Variants in MARCHF4 observed in about 807,000 individuals in gnomAD.
MARCHF4 encodes membrane associated ring-CH-type finger 4, also known as E3 ubiquitin-protein ligase MARCHF4.
MARCHF4 carries 14 observed loss-of-function variants against 43.9 expected under a neutral mutation model. The observed-to-expected ratio is 0.32, with a 90% CI of 0.21 to 0.50. MARCHF4 has a LOEUF of 0.50. Among genes scored for constraint, MARCHF4 ranks in the 20% least tolerant of loss-of-function variants. The probability of loss-of-function intolerance (pLI) is 0.98; values close to 1 mark genes in which losing one functional copy is unlikely to be tolerated. For synonymous variants in MARCHF4, 226 were observed against 213.3 expected (o/e 1.06, Z -0.52); for missense variants, 468 against 536.7 (o/e 0.87, Z 1.27).
chr2:216,282,295 CACACAT>C (rs1305495915), intron 2 of MARCHF4, among the ~76,000 whole-genome samples: 2 of 152,226 alleles, frequency 1.3e-5, no homozygotes, highest in African/African-American at 4.8e-5. Context: ...GCAACACACA[CACACAT>C]ACACACACAC....
At chr2:216,324,067 G>A (rs1469493656) in intron 1 of MARCHF4, among the ~76,000 whole-genome samples, 5 of 150,760 alleles carry the variant, frequency 3.3e-5, no homozygotes, top group Non-Finnish European at 5.9e-5. Flanking sequence ...TAGACCGCTA[G>A]CAAGACTAAT....
In MARCHF4 at chr2:216,281,479, C is replaced by T. The variant is rs184565674; in HGVS notation, c.672+2095G>A. Among the ~76,000 whole-genome samples, 38 of 152,308 alleles carry T rather than the reference C, an allele frequency of 2.5e-4. No homozygotes were observed. The East Asian group carries it at 6.0e-3, about 24-fold the overall frequency. On this transcript the variant is annotated intron_variant, in intron 2 of 3. Transcript: ENST00000273067. Reference sequence around the variant, plus strand: ...GGCCTGGGATTCCCATCCATTGCTCCGCCCACTTGTGGTGGGGCCTGCCAG... The same window carrying T: ...GGCCTGGGATTCCCATCCATTGCTCTGCCCACTTGTGGTGGGGCCTGCCAG...
chr2:216,316,037 C>A (rs566418148), intron 1 of MARCHF4, among the ~76,000 whole-genome samples: 3 of 152,212 alleles, frequency 2.0e-5, no homozygotes, highest in Non-Finnish European at 4.4e-5. Flanking sequence ...GACACAGTCA[C>A]CATCCACATA....
At chr2:216,328,180 G>T (rs1036717333) in intron 1 of MARCHF4, among the ~76,000 whole-genome samples, 16 of 151,734 alleles carry the variant, frequency 1.1e-4, no homozygotes, top group Admixed American at 3.3e-4. Flanking sequence ...TTTTGTTTTG[G>T]TTTTTTTTGA....
At chr2:216,262,241 T>C (rs1690752942) in intron 3 of MARCHF4, among the ~76,000 whole-genome samples, 1 of 152,196 alleles carries the variant, frequency 6.6e-6, no homozygotes, top group Non-Finnish European at 1.5e-5. Flanking sequence ...CTGTGTTAAG[T>C]ATCCATTTGA....
intron 1 of MARCHF4, among the ~76,000 whole-genome samples, chr2:216,296,061 G>A (rs1301777348): frequency 3.3e-5 from 5 of 152,230 alleles, no homozygotes; most frequent in Non-Finnish European, 2.9e-5. Context: ...CAGGAGGATC[G>A]ATTGAACCTG....
At chr2:216,303,621 T>C (rs1691532358) in intron 1 of MARCHF4, 1 of 152,270 alleles carries the variant, frequency 6.6e-6, no homozygotes, top group South Asian at 2.1e-4. Flanking sequence ...GCATCTCTGA[T>C]GGTGTAAAGG....
At chr2:216,327,134 T>G (rs1027800164) in intron 1 of MARCHF4, among the ~76,000 whole-genome samples, 5 of 152,094 alleles carry the variant, frequency 3.3e-5, no homozygotes, top group African/African-American at 1.2e-4. Context: ...TTTTAAATTT[T>G]GTTTTTACTT....
At chr2:216,286,971 T>C (rs1217198943) in intron 1 of MARCHF4, among the ~76,000 whole-genome samples, 12 of 152,234 alleles carry the variant, frequency 7.9e-5, no homozygotes, top group Admixed American at 7.9e-4. Flanking sequence ...ATATCTCTGA[T>C]TGAGGAGAAA....
chr2:216,297,736 G>C (rs539150521), intron 1 of MARCHF4, among the ~76,000 whole-genome samples: 1 of 152,026 alleles, frequency 6.6e-6, no homozygotes, highest in South Asian at 2.1e-4. Context: ...GGCTGATCTC[G>C]AACTCCCCAC....
chr2:216,278,312 C>T (rs546556119), intron 2 of MARCHF4, among the ~76,000 whole-genome samples: 5 of 152,330 alleles, frequency 3.3e-5, no homozygotes, highest in Admixed American at 2.0e-4. Context: ...CAAGCTCCAC[C>T]TCCCGGGTTC....
At chr2:216,305,137 G>A (rs1473740738) in intron 1 of MARCHF4, among the ~76,000 whole-genome samples, 1 of 152,130 alleles carries the variant, frequency 6.6e-6, no homozygotes, top group Non-Finnish European at 1.5e-5. Context: ...CTGGAGAAAT[G>A]AATAAATATT....
At chr2:216,292,864 C>A (rs1425911113) in intron 1 of MARCHF4, among the ~76,000 whole-genome samples, 8 of 152,142 alleles carry the variant, frequency 5.3e-5, no homozygotes, top group Admixed American at 2.0e-4. Context: ...ACTCTACAGA[C>A]CTGTGGGAGG....
At chr2:216,336,016 C>T (rs1214467582) in intron 1 of MARCHF4, among the ~76,000 whole-genome samples, 5 of 138,196 alleles carry the variant, frequency 3.6e-5, no homozygotes, top group African/African-American at 5.4e-5. Context: ...TGCAGTGAGC[C>T]GAGATTGCAC....
At chr2:216,286,706 A>G (rs763509703) in intron 1 of MARCHF4, among the ~76,000 whole-genome samples, 11 of 152,118 alleles carry the variant, frequency 7.2e-5, no homozygotes, top group Non-Finnish European at 1.5e-4. Flanking sequence ...GATTTAGTGT[A>G]TTTCTATATA....
intron 3 of MARCHF4, 160 bp from the exon 4 acceptor site, chr2:216,259,839 G>T: frequency 1.4e-6 from 1 of 706,774 alleles, no homozygotes; most frequent in Non-Finnish European, 2.3e-6. Context: ...GCAAGTTCCA[G>T]TAGGCAGAAG....
chr2:216,347,249 A>G (rs1006330123), intron 1 of MARCHF4, among the ~76,000 whole-genome samples: 2 of 152,246 alleles, frequency 1.3e-5, no homozygotes, highest in Admixed American at 6.5e-5. Context: ...GAACGGTGGC[A>G]TCATTCTAAG....
chr2:216,312,801 T>C (rs147274345), intron 1 of MARCHF4, among the ~76,000 whole-genome samples: 116 of 152,316 alleles, frequency 7.6e-4, no homozygotes, highest in Non-Finnish European at 1.4e-3. Flanking sequence ...GAGGCATAAT[T>C]TGCAATTATT....
chr2:216,290,117 A>G (rs206369), intron 1 of MARCHF4, among the ~76,000 whole-genome samples: 56,927 of 152,160 alleles, frequency 0.37, 11,923 homozygotes, highest in East Asian at 0.56. Flanking sequence ...AAAGTAAACC[A>G]TATATACCTA....
Sources: allele counts gnomAD v4.1 joint callset (sites outside exome capture counted in the v4.1 genomes callset), GRCh38; gene constraint gnomAD v4.1.1; transcripts MANE v1.5; gene names NCBI Gene and HGNC (gene_info 2026-07-23, HGNC 2026-07-21).